ZNF804B: variants seen among roughly 807,000 people sequenced by gnomAD.
The protein encoded by ZNF804B is zinc finger 804B.
In ZNF804B, 80 loss-of-function variants were observed where a neutral mutation model predicts 101.4. The ratio of observed to expected loss-of-function variants is 0.79; its 90% CI spans 0.66 to 0.95. The LOEUF is 0.95. Among genes scored for constraint, ZNF804B ranks in the 40% least tolerant of loss-of-function variants. The pLI, the probability that ZNF804B is intolerant of heterozygous loss-of-function variation, is 0.00. For synonymous variants in ZNF804B, 622 were observed against 558.8 expected, an observed-to-expected ratio of 1.11 and a Z score of -1.59; for missense variants, 1,673 against 1,561.9, an observed-to-expected ratio of 1.07 and a Z score of -1.20.
chr7:89,312,576 C>T (rs1429519125), intron 2 of ZNF804B, among the ~76,000 whole-genome samples: 2 of 152,100 alleles, frequency 1.3e-5, no homozygotes, highest in African/African-American at 4.8e-5. Flanking sequence ...GCATTTATTC[C>T]AGCAATGTCA....
intron 1 of ZNF804B, among the ~76,000 whole-genome samples, chr7:89,006,027 A>G (rs1353797669): frequency 6.6e-6 from 1 of 152,162 alleles, no homozygotes; most frequent in Non-Finnish European, 1.5e-5. Flanking sequence ...AATCACAAAA[A>G]TAATGGTTTT....
At chr7:89,189,031 T>C (rs1339634887) in intron 1 of ZNF804B, among the ~76,000 whole-genome samples, 4 of 152,140 alleles carry the variant, frequency 2.6e-5, no homozygotes. Flanking sequence ...AGATACCATA[T>C]ACAACTTTCA....
At chr7:88,944,954 A>G (rs1793105654) in intron 1 of ZNF804B, among the ~76,000 whole-genome samples, 1 of 151,842 alleles carries the variant, frequency 6.6e-6, no homozygotes, top group Non-Finnish European at 1.5e-5. Flanking sequence ...TTTTCTTGTA[A>G]ATTTGTTTAA....
chr7:88,990,512 A>G (rs1469588834), intron 1 of ZNF804B, among the ~76,000 whole-genome samples: 2 of 152,100 alleles, frequency 1.3e-5, no homozygotes, highest in East Asian at 3.9e-4. Flanking sequence ...TTTACAGAGT[A>G]AAAAATAAAG....
At chr7:88,893,390 ATTATTTATATAAACCCTTTAAAATTATT>A (rs1469596671) in intron 1 of ZNF804B, among the ~76,000 whole-genome samples, 2 of 152,060 alleles carry the variant, frequency 1.3e-5, no homozygotes, top group Non-Finnish European at 2.9e-5. Context: ...ATATGAACCC[ATTATTTATATAAACCCTTTAAAATTATT>A]TTAAAAATAT....
chr7:89,021,190 C>A (rs1201363318), intron 1 of ZNF804B, among the ~76,000 whole-genome samples: 2 of 152,064 alleles, frequency 1.3e-5, no homozygotes, highest in Non-Finnish European at 2.9e-5. Context: ...TAGGTGGATG[C>A]AGTAGTGCAG....
At chr7:89,271,909 G>T (rs531518223) in intron 2 of ZNF804B, among the ~76,000 whole-genome samples, 172 of 151,920 alleles carry the variant, frequency 1.1e-3, no homozygotes, top group African/African-American at 4.1e-3. Flanking sequence ...TGGGATCGGT[G>T]GTGATATCCC....
chr7:89,309,722 T>C (rs916234182), intron 2 of ZNF804B, among the ~76,000 whole-genome samples: 4 of 123,086 alleles, frequency 3.2e-5, no homozygotes, highest in African/African-American at 1.3e-4. Context: ...ATTGTGCCAC[T>C]GCACTCCAGC....
intron 2 of ZNF804B, among the ~76,000 whole-genome samples, chr7:89,240,366 G>A (rs916567690): frequency 1.6e-4 from 25 of 151,826 alleles, no homozygotes; most frequent in Admixed American, 9.2e-4. Context: ...TGAGCTTTGC[G>A]TGGGTTTGTT....
chr7:88,992,329 A>G (rs1474444140), intron 1 of ZNF804B, among the ~76,000 whole-genome samples: 3 of 152,164 alleles, frequency 2.0e-5, no homozygotes, highest in Admixed American at 6.6e-5. Flanking sequence ...AGAGAAAGTC[A>G]TGTGCTTGTT....
At chr7:88,840,488 A>G (rs1791279414) in intron 1 of ZNF804B, among the ~76,000 whole-genome samples, 2 of 152,196 alleles carry the variant, frequency 1.3e-5, no homozygotes, top group Non-Finnish European at 2.9e-5. Flanking sequence ...ATAGCAATAG[A>G]TAATATTAAA....
At chr7:89,244,899 G>A (rs1789421115) in intron 2 of ZNF804B, among the ~76,000 whole-genome samples, 1 of 152,114 alleles carries the variant, frequency 6.6e-6, no homozygotes, top group Non-Finnish European at 1.5e-5. Context: ...TTTATGATGT[G>A]AACAATCTCA....
chr7:89,207,840 C>T (rs1562916096), intron 1 of ZNF804B, among the ~76,000 whole-genome samples: 1 of 152,106 alleles, frequency 6.6e-6, no homozygotes, highest in Non-Finnish European at 1.5e-5. Context: ...AACATAAACT[C>T]TAGGTCAAGA....
chr7:89,114,733 CTGAGGGAAGAATAGTA>C (rs1348681934), intron 1 of ZNF804B, among the ~76,000 whole-genome samples: 1 of 151,990 alleles, frequency 6.6e-6, no homozygotes, highest in African/African-American at 2.4e-5. Flanking sequence ...ATTCTTAAGG[CTGAGGGAAGAATAGTA>C]GGCTATGGGG....
chr7:89,154,524 C>T (rs906535343), intron 1 of ZNF804B, among the ~76,000 whole-genome samples: 12 of 152,062 alleles, frequency 7.9e-5, no homozygotes. Flanking sequence ...GAGTACTATT[C>T]AGCCATAAAA....
chr7:88,837,732 C>T (rs1041165505), intron 1 of ZNF804B, among the ~76,000 whole-genome samples: 2 of 151,698 alleles, frequency 1.3e-5, no homozygotes, highest in African/African-American at 2.4e-5. Context: ...TTTCCAACTG[C>T]GTATCTATGT....
intron 1 of ZNF804B, among the ~76,000 whole-genome samples, chr7:88,889,297 G>A (rs1468905517): frequency 6.6e-6 from 1 of 152,046 alleles, no homozygotes; most frequent in Non-Finnish European, 1.5e-5. Flanking sequence ...TTTTGGGGGA[G>A]GGGTATATAT....
At chr7:88,935,381 A>G (rs1015803071) in intron 1 of ZNF804B, among the ~76,000 whole-genome samples, 2 of 151,544 alleles carry the variant, frequency 1.3e-5, no homozygotes, top group Non-Finnish European at 2.9e-5. Flanking sequence ...AAAAAAAAAA[A>G]AAAAAGAATA....
rs375148664 is a variant in ZNF804B, at chr7:89,064,088, G to A, written c.109-154067G>A. Among the ~76,000 whole-genome samples, 4 of 152,128 alleles carry A rather than the reference G, an allele frequency of 2.6e-5. No homozygotes were observed. The East Asian group carries it at 5.8e-4, about 22-fold the overall frequency. ...TTTATTAGAGAAGGAGCTGAAGCAG[G>A]ATTGGGCAGAGGGAGAGGTCAAGAT... On this transcript the variant is annotated intron_variant, in intron 1 of 3. Coordinates refer to ENST00000333190, the MANE Select transcript of ZNF804B (RefSeq NM_181646.5).
Sources: gnomAD v4.1 joint callset for allele counts (sites outside exome capture counted in the v4.1 genomes callset) on GRCh38, gnomAD v4.1.1 for gene constraint, MANE v1.5 for transcripts, NCBI Gene and HGNC (gene_info 2026-07-23, HGNC 2026-07-21) for gene names.